The following CRTC3 variants were observed in gnomAD, a reference collection of about 807,000 sequenced individuals.
CRTC3 encodes CREB-regulated transcription coactivator 3.
In CRTC3, 26 loss-of-function variants were observed where a neutral mutation model predicts 74.5. That is an observed-to-expected ratio of 0.35 (90% CI 0.26 to 0.48). The LOEUF is 0.48. Among genes scored for constraint, CRTC3 ranks in the 20% least tolerant of loss-of-function variants. CRTC3 has a pLI of 0.99. For missense variants in CRTC3, 760 were observed against 787.3 expected, an observed-to-expected ratio of 0.97 and a Z score of 0.41; for synonymous variants, 377 against 325.8, an observed-to-expected ratio of 1.16 and a Z score of -1.69.
chr15:90,539,611 C>A, intron 1 of CRTC3: 2 of 203,152 alleles, frequency 9.8e-6, no homozygotes, highest in South Asian at 8.0e-5. Flanking sequence ...TAGGTTGTAC[C>A]TATCTTATGA....
Position 90,530,075 on chromosome 15 carries a change from G to A in CRTC3, c.4G>A (p.Ala2Thr). 2.8e-6 allele frequency: 4 copies of A among 1,431,742 alleles called. No homozygotes were observed. Among genetic ancestry groups the A allele is most frequent in the Middle Eastern group, 2.3e-4 (1 of 4,354 alleles). The allele number at this position is 1,431,742 out of a possible 1,614,324, so 88.7% of individuals were successfully genotyped here. A position where few individuals can be genotyped will look rare whatever the true frequency, so the allele number is the denominator to read the frequency against. The part of the protein sequence containing the change: M[A>T]ASPGSGSANP... ...CTGCCCGCGCAGAGTCCGCGCCATG[G>A]CCGCCTCGCCGGGCTCGGGCAGCGC... Residue 2 changes from alanine to threonine, a missense_variant, in exon 1 of 15, where the codon GCC (alanine) becomes ACC (threonine). By Grantham distance (58) the Ala-to-Thr change is moderately conservative. This residue lies in a region of CRTC3 where 108 missense variants were observed against 152.1 expected (regional missense o/e 0.71). Transcript: ENST00000268184. The surrounding 1 kb of genome is among the most constrained non-coding windows in gnomAD (Gnocchi z 6.2).
At chr15:90,574,933 GA>G (rs1463406111) in intron 2 of CRTC3, among the ~76,000 whole-genome samples, 5 of 151,992 alleles carry the variant, frequency 3.3e-5, no homozygotes, top group Non-Finnish European at 7.4e-5. Flanking sequence ...TTATATATTA[GA>G]AAAACTAGCC....
intron 10 of CRTC3, among the ~76,000 whole-genome samples, chr15:90,628,429 A>C (rs1968918551): frequency 6.6e-6 from 1 of 152,194 alleles, no homozygotes; most frequent in South Asian, 2.1e-4. Flanking sequence ...CAGCAGCAGC[A>C]GCCGAATAAT....
Position 90,643,841 on chromosome 15 carries a change from G to C in CRTC3, c.*1701G>C, listed in dbSNP as rs1410717788. 4 of 232,448 alleles carry C rather than the reference G, an allele frequency of 1.7e-5. No homozygotes were observed. The highest frequency in any genetic ancestry group is 8.8e-5 in the African/African-American group (4 of 45,348). The allele number at this position is 232,448 out of a possible 1,614,324, so 14.4% of individuals were successfully genotyped here. ...AGCCATTGCCCTTCCAGGAGACCCT[G>C]GAGTGTACTGAGGGTTGCTGGACTG... is the stretch of plus-strand genomic sequence containing the variant. On this transcript the variant is annotated 3_prime_UTR_variant, in exon 15 of 15. Transcript: ENST00000268184.
At chr15:90,631,211 G>T (rs541706441) in intron 11 of CRTC3, among the ~76,000 whole-genome samples, 106 of 152,286 alleles carry the variant, frequency 7.0e-4, no homozygotes, top group African/African-American at 2.5e-3. Flanking sequence ...GTGGCGTGTT[G>T]ATCGTATGAG....
intron 7 of CRTC3, among the ~76,000 whole-genome samples, chr15:90,615,458 G>C (rs1325801647): frequency 6.6e-6 from 1 of 152,252 alleles, no homozygotes; most frequent in Non-Finnish European, 1.5e-5. Context: ...TGAATGAGGA[G>C]CATCTTGCAA....
At chr15:90,567,556 C>T (rs1185868546) in intron 2 of CRTC3, among the ~76,000 whole-genome samples, 2 of 151,930 alleles carry the variant, frequency 1.3e-5, no homozygotes, top group Non-Finnish European at 2.9e-5. Context: ...GGCATGGTGG[C>T]GCATGCCTGT....
At chr15:90,636,987 T>G (rs1969262191) in intron 11 of CRTC3, among the ~76,000 whole-genome samples, 1 of 152,198 alleles carries the variant, frequency 6.6e-6, no homozygotes, top group Admixed American at 6.5e-5. Flanking sequence ...ATTGTGGAAG[T>G]CAGTGTGGCG....
Position 90,548,922 on chromosome 15 carries a change from A to G in CRTC3, c.231+8785A>G, listed in dbSNP as rs571284640. Among the ~76,000 whole-genome samples the G allele has an allele frequency of 2.0e-5, 3 of 152,374 alleles. No homozygotes were observed. The East Asian group carries it at 5.8e-4, about 29-fold the overall frequency. On this transcript the variant is annotated intron_variant, in intron 2 of 14. Coordinates refer to ENST00000268184, the MANE Select transcript of CRTC3 (RefSeq NM_022769.5). Reference sequence around the variant, plus strand: ...ACCATTAACAAATCAGAATTACTGTATACCAAAATTTATTCCCTAGAGTTT... The same window carrying G: ...ACCATTAACAAATCAGAATTACTGTGTACCAAAATTTATTCCCTAGAGTTT...
chr15:90,532,221 G>A (rs185628825), intron 1 of CRTC3, among the ~76,000 whole-genome samples: 1 of 152,176 alleles, frequency 6.6e-6, no homozygotes, highest in Non-Finnish European at 1.5e-5. Flanking sequence ...ATCTGTAAAT[G>A]ATAACACTGA....
chr15:90,602,638 A>C (rs1337796458), intron 4 of CRTC3, among the ~76,000 whole-genome samples: 4 of 122,054 alleles, frequency 3.3e-5, no homozygotes, highest in African/African-American at 1.3e-4. Flanking sequence ...TCTCTTAAAA[A>C]CAAACAAACA....
intron 2 of CRTC3, among the ~76,000 whole-genome samples, chr15:90,543,879 T>C (rs1246538494): frequency 6.6e-6 from 1 of 152,148 alleles, no homozygotes; most frequent in Admixed American, 6.5e-5. Context: ...ATCCCCCACC[T>C]CCAGCCTCTG....
chr15:90,539,040 A>G (rs1966763989), intron 1 of CRTC3, among the ~76,000 whole-genome samples: 1 of 152,204 alleles, frequency 6.6e-6, no homozygotes, highest in Admixed American at 6.5e-5. Context: ...GGCCCATCCT[A>G]GGGGCTTAGA....
At chr15:90,634,677 T>C (rs1052360699) in intron 11 of CRTC3, 2 of 599,790 alleles carry the variant, frequency 3.3e-6, no homozygotes, top group Non-Finnish European at 6.0e-6. Flanking sequence ...GGCTGTCTCC[T>C]TGCGGCTCTA....
At chr15:90,546,242 G>C (rs1290556869) in intron 2 of CRTC3, among the ~76,000 whole-genome samples, 1 of 152,090 alleles carries the variant, frequency 6.6e-6, no homozygotes, top group Non-Finnish European at 1.5e-5. Context: ...TGGGTTTGAG[G>C]CTCACTCATT....
At chr15:90,562,440 G>T (rs1462759383) in intron 2 of CRTC3, among the ~76,000 whole-genome samples, 1 of 152,124 alleles carries the variant, frequency 6.6e-6, no homozygotes, top group Non-Finnish European at 1.5e-5. Context: ...TCGGGCCTTT[G>T]CTCTTATTTT....
Position 90,604,453 on chromosome 15 carries a change from T to A in CRTC3, c.476+6T>A, listed in dbSNP as rs1365064941. ...CTGACATCTGCACTTAACAGGTACA[T>A]GGGTTGTTTCCTGGTAGGAGTAGAT... On this transcript the variant is annotated splice_donor_region_variant and intron_variant, in intron 5 of 14. Transcript: ENST00000268184. 6.2e-7 allele frequency: 1 copy of A among 1,609,388 alleles called. No homozygotes were observed. The highest frequency in any genetic ancestry group is 1.7e-5 in the Admixed American group (1 of 59,986).
intron 2 of CRTC3, among the ~76,000 whole-genome samples, chr15:90,558,882 G>A (rs950531420): frequency 6.6e-6 from 1 of 151,804 alleles, no homozygotes; most frequent in Non-Finnish European, 1.5e-5. Context: ...CTCCTGAGTA[G>A]CTGGGACTAC....
chr15:90,603,170 A>G (rs1010234123), intron 4 of CRTC3, among the ~76,000 whole-genome samples: 62 of 152,226 alleles, frequency 4.1e-4, no homozygotes, highest in South Asian at 1.2e-3. Context: ...TTGGCCAGGC[A>G]CGGTGGCTCA....
Sources: gnomAD v4.1 joint callset for allele counts (sites outside exome capture counted in the v4.1 genomes callset) on GRCh38, gnomAD v4.1.1 for gene constraint, gnomAD v4.1.1 regional missense constraint, Gnocchi (gnomAD v3.1) non-coding constraint, MANE v1.5 for transcripts, NCBI Gene and HGNC (gene_info 2026-07-23, HGNC 2026-07-21) for gene names.